SHISA6: variants seen among roughly 807,000 people sequenced by gnomAD.
SHISA6 encodes the protein shisa family member 6, also known as protein shisa-6.
Under a neutral mutation model 47.9 loss-of-function variants are expected in SHISA6, and 22 were observed. That is an observed-to-expected ratio of 0.46 (90% CI 0.33 to 0.66). The LOEUF (loss-of-function observed/expected upper bound fraction) is 0.66, where lower values mean the gene tolerates loss of function less well. SHISA6 is among the 30% of genes least tolerant of loss of function. The probability of loss-of-function intolerance (pLI) is 0.02; values close to 1 mark genes in which losing one functional copy is unlikely to be tolerated. For missense variants in SHISA6, 680 were observed against 764.6 expected (o/e 0.89, Z 1.30); for synonymous variants, 388 against 337.8 (o/e 1.15, Z -1.63).
chr17:11,258,508 T>G (rs1258624828), intron 1 of SHISA6, among the ~76,000 whole-genome samples: 1 of 152,182 alleles, frequency 6.6e-6, no homozygotes, highest in Non-Finnish European at 1.5e-5. Context: ...GAATGAAGAT[T>G]GGGACAAAAA....
chr17:11,255,957 C>T (rs1256000521), intron 1 of SHISA6, among the ~76,000 whole-genome samples: 5 of 152,356 alleles, frequency 3.3e-5, no homozygotes, highest in Middle Eastern at 3.4e-3. Context: ...ACAACTATTA[C>T]ATCATTTAAT....
intron 3 of SHISA6, among the ~76,000 whole-genome samples, chr17:11,532,984 G>A (rs1374906844): frequency 6.6e-6 from 1 of 152,134 alleles, no homozygotes; most frequent in Non-Finnish European, 1.5e-5. Context: ...CAGACTGCGT[G>A]AGTGTAAACA....
Position 11,448,246 on chromosome 17 carries a change from A to C in SHISA6, c.895+68737A>C, listed in dbSNP as rs576114272. Among the ~76,000 whole-genome samples the C allele has an allele frequency of 2.0e-4, 31 of 152,190 alleles. No individual in the cohort carries two copies. In the East Asian group the frequency reaches 5.4e-3, roughly 27 times the overall value. On this transcript the variant is annotated intron_variant, in intron 3 of 5. Coordinates refer to ENST00000441885, the MANE Select transcript of SHISA6 (RefSeq NM_207386.4). ...CGGGCTTAATCTTTTAAAACGATAA[A>C]GAGGCTGGGTGTGGTGGCTCAAGTC...
At chr17:11,346,238 A>G (rs1187598591) in intron 2 of SHISA6, among the ~76,000 whole-genome samples, 2 of 152,176 alleles carry the variant, frequency 1.3e-5, no homozygotes, top group African/African-American at 2.4e-5. Flanking sequence ...AGAAAAGACA[A>G]AACTTAAAAA....
Position 11,298,712 on chromosome 17 carries a change from A to C in SHISA6, c.799+35186A>C, listed in dbSNP as rs1181923592. On this transcript the variant is annotated intron_variant, in intron 2 of 5. Transcript: ENST00000441885. ...CTGGTAACGTAAGACCCAACATAGG[A>C]GTCTGGAGTGGATGGCTGAGGGAAG... 3.3e-5 allele frequency among the ~76,000 whole-genome samples: 5 copies of C among 152,128 alleles called. No individual in the cohort carries two copies. The East Asian group carries it at 9.7e-4, about 29-fold the overall frequency.
intron 3 of SHISA6, among the ~76,000 whole-genome samples, chr17:11,443,113 T>G (rs953828369): frequency 2.6e-5 from 4 of 152,212 alleles, no homozygotes; most frequent in Non-Finnish European, 4.4e-5. Context: ...CATTTGACAG[T>G]TGTGACACAC....
At chr17:11,364,687 C>CATATT (rs1312485615) in intron 2 of SHISA6, among the ~76,000 whole-genome samples, 5 of 152,138 alleles carry the variant, frequency 3.3e-5, no homozygotes, top group African/African-American at 1.2e-4. Flanking sequence ...AATTGACGGA[C>CATATT]ATATATTCAT....
At chr17:11,545,751 C>T (rs1301002261) in intron 3 of SHISA6, among the ~76,000 whole-genome samples, 3 of 152,152 alleles carry the variant, frequency 2.0e-5, no homozygotes, top group Non-Finnish European at 4.4e-5. Context: ...AAGTCTTGTC[C>T]CCTCACAGGG....
chr17:11,342,991 C>T (rs1380518223), intron 2 of SHISA6, among the ~76,000 whole-genome samples: 1 of 152,192 alleles, frequency 6.6e-6, no homozygotes, highest in African/African-American at 2.4e-5. Flanking sequence ...CATACCCACA[C>T]CCACCAGTGC....
chr17:11,333,971 C>T (rs1911226163), intron 2 of SHISA6, among the ~76,000 whole-genome samples: 1 of 152,208 alleles, frequency 6.6e-6, no homozygotes, highest in Admixed American at 6.5e-5. Flanking sequence ...GCTCCGTGCT[C>T]CCCACTCTCC....
chr17:11,532,802 A>G (rs954337295), intron 3 of SHISA6, among the ~76,000 whole-genome samples: 1 of 130,366 alleles, frequency 7.7e-6, no homozygotes, highest in African/African-American at 3.0e-5. Flanking sequence ...CTCATGACAC[A>G]TATTCCACCT....
At chr17:11,342,037 T>C (rs1911548243) in intron 2 of SHISA6, among the ~76,000 whole-genome samples, 1 of 152,046 alleles carries the variant, frequency 6.6e-6, no homozygotes, top group South Asian at 2.1e-4. Context: ...GTCTATCTTG[T>C]CTCTCTGGCA....
chr17:11,447,740 T>C lies in SHISA6; in HGVS notation c.895+68231T>C, dbSNP rs905470974. On this transcript the variant is annotated intron_variant, in intron 3 of 5. Coordinates refer to ENST00000441885, the MANE Select transcript of SHISA6 (RefSeq NM_207386.4). ...TAAAGCCTTCTCATAAGCTTTGTCA[T>C]CATCTCCTCAATGAAGTTTCTGCCC... Among the ~76,000 whole-genome samples the C allele has an allele frequency of 1.1e-4, 17 of 152,376 alleles. No individual in the cohort carries two copies. In the East Asian group the frequency reaches 2.7e-3, roughly 24 times the overall value.
intron 2 of SHISA6, among the ~76,000 whole-genome samples, chr17:11,299,655 G>A (rs923675568): frequency 9.2e-5 from 14 of 151,968 alleles, no homozygotes; most frequent in Non-Finnish European, 2.1e-4. Context: ...ATTGGCTTAC[G>A]GTCCTTTCCT....
intron 3 of SHISA6, among the ~76,000 whole-genome samples, chr17:11,539,463 C>T (rs1471781470): frequency 6.6e-6 from 1 of 152,188 alleles, no homozygotes; most frequent in Non-Finnish European, 1.5e-5. Flanking sequence ...CACATGCAAA[C>T]ATCAATACAT....
chr17:11,241,958 A>G lies in SHISA6; in HGVS notation c.536A>G (p.Tyr179Cys). ...AAGGACAAGACCAACTTCACCGTCTACATCACCTGCGGGGTGATCGCCTTC... is the reference window on the plus strand; with the variant it reads ...AAGGACAAGACCAACTTCACCGTCTGCATCACCTGCGGGGTGATCGCCTTC... Reference protein sequence around the residue: ...PEKDKTNFTVYITCGVIAFVI... With the variant: ...PEKDKTNFTVCITCGVIAFVI... Residue 179 changes from tyrosine (Y) to cysteine (C), a missense_variant, in exon 1 of 6, where the codon TAC becomes TGC. This residue lies in a region of SHISA6 where 559 missense variants were observed against 674.1 expected (regional missense o/e 0.83). Coordinates refer to ENST00000441885, the MANE Select transcript of SHISA6 (RefSeq NM_207386.4). The surrounding 1 kb of genome is among the most constrained non-coding windows in gnomAD (Gnocchi z 5.5). The G allele has an allele frequency of 1.9e-6, 3 of 1,551,012 alleles. No individual in the cohort carries two copies. The highest frequency in any genetic ancestry group is 1.7e-6 in the Non-Finnish European group (2 of 1,147,022).
At chr17:11,261,653 T>C (rs1429704675) in intron 1 of SHISA6, among the ~76,000 whole-genome samples, 1 of 152,252 alleles carries the variant, frequency 6.6e-6, no homozygotes, top group East Asian at 1.9e-4. Context: ...CTTTTTTAAA[T>C]GACTGAATAA....
chr17:11,313,822 A>G (rs765647080), intron 2 of SHISA6, among the ~76,000 whole-genome samples: 27 of 152,256 alleles, frequency 1.8e-4, no homozygotes, highest in Non-Finnish European at 2.1e-4. Context: ...GTGATGCTGG[A>G]GGAGAGATGA....
intron 3 of SHISA6, among the ~76,000 whole-genome samples, chr17:11,399,032 T>G (rs2142262550): frequency 6.6e-6 from 1 of 152,306 alleles, no homozygotes; most frequent in East Asian, 1.9e-4. Flanking sequence ...GCTGTATATT[T>G]TTTTCTTATT....
Sources: gnomAD v4.1 joint callset for allele counts (sites outside exome capture counted in the v4.1 genomes callset) on GRCh38, gnomAD v4.1.1 for gene constraint, gnomAD v4.1.1 regional missense constraint, Gnocchi (gnomAD v3.1) non-coding constraint, MANE v1.5 for transcripts, NCBI Gene and HGNC (gene_info 2026-07-23, HGNC 2026-07-21) for gene names.